Variants in TMCC1 observed in about 807,000 individuals in gnomAD.
TMCC1 encodes the protein transmembrane and coiled-coil domains protein 1.
In TMCC1, 15 loss-of-function variants were observed where a neutral mutation model predicts 52.4. That is an observed-to-expected ratio of 0.29 (90% confidence interval 0.19 to 0.44). TMCC1 has a LOEUF of 0.44. Ranked by LOEUF, TMCC1 falls within the 20% of genes least tolerant of loss-of-function variation. TMCC1 has a pLI of 1.00. For missense variants in TMCC1, 503 were observed against 806.0 expected (o/e 0.62, Z 4.55); for synonymous variants, 279 against 301.9 (o/e 0.92, Z 0.79).
intron 4 of TMCC1, among the ~76,000 whole-genome samples, chr3:129,753,748 A>G (rs1195483621): frequency 7.9e-5 from 12 of 152,198 alleles, no homozygotes; most frequent in Admixed American, 7.9e-4. Flanking sequence ...ATCACATTTA[A>G]TGGTGAGAGA....
intron 5 of TMCC1, among the ~76,000 whole-genome samples, chr3:129,660,345 G>A (rs1194205160): frequency 6.6e-6 from 1 of 152,092 alleles, no homozygotes; most frequent in Non-Finnish European, 1.5e-5. Context: ...TAGAGACGGG[G>A]TTTCGCCATG....
chr3:129,777,236 T>C (rs1576801822), intron 4 of TMCC1, among the ~76,000 whole-genome samples: 1 of 152,138 alleles, frequency 6.6e-6, no homozygotes, highest in Admixed American at 6.5e-5. Flanking sequence ...TGCAATACGA[T>C]AGGCCGTCAA....
At chr3:129,850,742 T>TTAG (rs1224646972) in intron 2 of TMCC1, among the ~76,000 whole-genome samples, 1 of 152,148 alleles carries the variant, frequency 6.6e-6, no homozygotes, top group Non-Finnish European at 1.5e-5. Context: ...GAACAGAGAT[T>TTAG]TAGCCATGTA....
intron 4 of TMCC1, among the ~76,000 whole-genome samples, chr3:129,810,428 T>A (rs1271873613): frequency 1.3e-5 from 2 of 152,188 alleles, no homozygotes; most frequent in Admixed American, 1.3e-4. Flanking sequence ...ACAGGTAATT[T>A]ATACTGTGGC....
At chr3:129,830,817 T>C (rs1445295330) in intron 3 of TMCC1, among the ~76,000 whole-genome samples, 5 of 152,232 alleles carry the variant, frequency 3.3e-5, no homozygotes, top group African/African-American at 1.2e-4. Flanking sequence ...TTGGGCACTA[T>C]TATAAACTAA....
intron 2 of TMCC1, among the ~76,000 whole-genome samples, chr3:129,851,867 T>C (rs1440837515): frequency 6.6e-6 from 1 of 151,988 alleles, no homozygotes; most frequent in African/African-American, 2.4e-5. Flanking sequence ...AGGAAAAAAA[T>C]TGCCAGGCGT....
intron 4 of TMCC1, among the ~76,000 whole-genome samples, chr3:129,824,679 A>G (rs2058579845): frequency 6.7e-6 from 1 of 148,176 alleles, no homozygotes; most frequent in Non-Finnish European, 1.5e-5. Context: ...AGGGAGAACA[A>G]TGAGAAAGCC....
At chr3:129,691,074 A>G (rs1330849782) in intron 4 of TMCC1, among the ~76,000 whole-genome samples, 1 of 152,214 alleles carries the variant, frequency 6.6e-6, no homozygotes, top group Non-Finnish European at 1.5e-5. Flanking sequence ...TGGTTTATGC[A>G]TGGTCAGTAA....
intron 4 of TMCC1, among the ~76,000 whole-genome samples, chr3:129,765,888 C>T (rs866275233): frequency 2.8e-5 from 4 of 145,442 alleles, no homozygotes; most frequent in African/African-American, 1.0e-4. Flanking sequence ...AGGAGGGTGG[C>T]GGAGGGAGGG....
intron 4 of TMCC1, among the ~76,000 whole-genome samples, chr3:129,754,590 G>A (rs914824169): frequency 2.0e-5 from 3 of 152,138 alleles, no homozygotes; most frequent in Admixed American, 1.3e-4. Context: ...TTTTACAAAG[G>A]TGCAAAGGTA....
intron 4 of TMCC1, among the ~76,000 whole-genome samples, chr3:129,717,262 C>T (rs938700141): frequency 2.6e-5 from 4 of 152,138 alleles, no homozygotes; most frequent in Non-Finnish European, 5.9e-5. Context: ...ATTACTAAAT[C>T]CAAAGAGAAG....
intron 4 of TMCC1, among the ~76,000 whole-genome samples, chr3:129,768,207 A>G (rs2054280474): frequency 6.6e-6 from 1 of 152,190 alleles, no homozygotes. Context: ...CGTCTCAACA[A>G]ACAAACAAAA....
At chr3:129,661,321 G>A (rs2087009020) in intron 5 of TMCC1, among the ~76,000 whole-genome samples, 1 of 152,160 alleles carries the variant, frequency 6.6e-6, no homozygotes, top group South Asian at 2.1e-4. Context: ...AGCTACTCAG[G>A]AGGCTGAGGT....
intron 4 of TMCC1, among the ~76,000 whole-genome samples, chr3:129,795,088 G>T (rs2056733285): frequency 6.6e-6 from 1 of 152,140 alleles, no homozygotes; most frequent in South Asian, 2.1e-4. Context: ...AGGAATGTCA[G>T]GTGCAGAGAG....
chr3:129,735,748 TA>T (rs2050906956), intron 4 of TMCC1, among the ~76,000 whole-genome samples: 1 of 152,076 alleles, frequency 6.6e-6, no homozygotes, highest in East Asian at 1.9e-4. Flanking sequence ...TAGCTTCTGT[TA>T]TATCCTAAGT....
rs1309702025 is a variant in TMCC1, at chr3:129,709,515, CTT to C, written c.577-38253_577-38252del. ...AAAAAAAAAGAGAGAGAGAGAGAAA[CTT>C]TAAATCATCAAGGCTAACACCATTT... On this transcript the variant is annotated intron_variant, in intron 4 of 6. Transcript: ENST00000393238. 4.8e-5 allele frequency among the ~76,000 whole-genome samples: 5 copies of C among 103,446 alleles called. No individual in the cohort carries two copies. The South Asian group carries it at 1.1e-3, about 23-fold the overall frequency. The allele number at this position is 103,446 out of a possible 152,430, so 67.9% of individuals were successfully genotyped here.
At chr3:129,757,539 G>A (rs185720296) in intron 4 of TMCC1, among the ~76,000 whole-genome samples, 196 of 152,268 alleles carry the variant, frequency 1.3e-3, no homozygotes, top group Admixed American at 3.6e-3. Flanking sequence ...AAAAGGAATC[G>A]GCTGGGCATG....
At chr3:129,852,916 G>A (rs1349789296) in intron 2 of TMCC1, among the ~76,000 whole-genome samples, 1 of 152,110 alleles carries the variant, frequency 6.6e-6, no homozygotes, top group Non-Finnish European at 1.5e-5. Context: ...AAAAATAGAA[G>A]GCTTATGGGA....
intron 2 of TMCC1, chr3:129,866,982 T>C (rs1409929201): frequency 1.3e-5 from 2 of 152,200 alleles, no homozygotes; most frequent in East Asian, 1.9e-4. Context: ...ATTCTCACTA[T>C]AGGACAGGAA....
Sources: gnomAD v4.1 joint callset for allele counts (sites outside exome capture counted in the v4.1 genomes callset) on GRCh38, gnomAD v4.1.1 for gene constraint, MANE v1.5 for transcripts, NCBI Gene and HGNC (gene_info 2026-07-23, HGNC 2026-07-21) for gene names.